AGBL3: variants seen among roughly 807,000 people sequenced by gnomAD.
AGBL3 encodes the protein AGBL carboxypeptidase 3.
In AGBL3, 68 loss-of-function variants were observed where a neutral mutation model predicts 94.5. The ratio of observed to expected loss-of-function variants is 0.72; its 90% CI spans 0.59 to 0.88. The LOEUF is 0.88. Among genes scored for constraint, AGBL3 ranks in the 40% least tolerant of loss-of-function variants. The pLI, the probability that AGBL3 is intolerant of heterozygous loss-of-function variation, is 0.00. For missense variants in AGBL3, 934 were observed against 1,103.8 expected, an observed-to-expected ratio of 0.85 and a Z score of 2.18; for synonymous variants, 354 against 370.7, an observed-to-expected ratio of 0.95 and a Z score of 0.52.
intron 8 of AGBL3, among the ~76,000 whole-genome samples, chr7:135,040,059 A>G (rs1259657976): frequency 6.6e-6 from 1 of 152,198 alleles, no homozygotes; most frequent in Non-Finnish European, 1.5e-5. Flanking sequence ...AGGCATTAAA[A>G]GGACAATAAG....
chr7:135,039,293 A>T (rs1352605036), intron 8 of AGBL3, among the ~76,000 whole-genome samples: 3 of 152,218 alleles, frequency 2.0e-5, no homozygotes, highest in Non-Finnish European at 4.4e-5. Context: ...CACATTTCTA[A>T]AAAATCCTTA....
chr7:135,031,369 C>T (rs1294229749), intron 5 of AGBL3, among the ~76,000 whole-genome samples: 2 of 152,160 alleles, frequency 1.3e-5, no homozygotes, highest in African/African-American at 4.8e-5. Flanking sequence ...AAGCGATTCT[C>T]ATGCCTCAGT....
At chr7:135,048,054 T>C (rs1475125566) in intron 11 of AGBL3, among the ~76,000 whole-genome samples, 2 of 151,932 alleles carry the variant, frequency 1.3e-5, no homozygotes. Context: ...AGTATCCAAT[T>C]TTATTCTTTT....
chr7:135,034,351 A>G lies in AGBL3; in HGVS notation c.760A>G (p.Ile254Val). The G allele has an allele frequency of 2.6e-6, 4 of 1,551,694 alleles. No homozygotes were observed. The highest frequency in any genetic ancestry group is 3.5e-6 in the Non-Finnish European group (4 of 1,146,970). The part of the protein sequence containing the change: ...YSEKEAKAHH[I>V]GWQRIGDQIK... The stretch of plus-strand genomic sequence containing the variant: ...TGAAAAAGAGGCCAAGGCTCATCAC[A>G]TTGGCTGGCAGAGAATAGGAGACCA... The change falls in exon 7 of 17, where the codon ATT (isoleucine) becomes GTT (valine). Residue 254 changes from isoleucine (I) to valine (V), a missense_variant. Transcript: ENST00000436302.
chr7:135,053,377 G>A (rs1818057607), intron 11 of AGBL3, among the ~76,000 whole-genome samples: 1 of 152,198 alleles, frequency 6.6e-6, no homozygotes, highest in Admixed American at 6.5e-5. Context: ...GGAGGCTGAG[G>A]TAGGCGTATC....
chr7:134,992,976 A>AG (rs1333514535), intron 3 of AGBL3, among the ~76,000 whole-genome samples: 2 of 152,178 alleles, frequency 1.3e-5, no homozygotes, highest in African/African-American at 2.4e-5. Flanking sequence ...TCACACCAAA[A>AG]CACCAGATCA....
intron 12 of AGBL3, among the ~76,000 whole-genome samples, chr7:135,062,813 CTGTTA>C (rs1036705645): frequency 6.6e-6 from 1 of 151,962 alleles, no homozygotes; most frequent in Non-Finnish European, 1.5e-5. Context: ...GGATATTGGT[CTGTTA>C]TCTTTTTCTT....
chr7:134,997,514 A>G (rs377275858), intron 4 of AGBL3, among the ~76,000 whole-genome samples: 6 of 152,156 alleles, frequency 3.9e-5, no homozygotes, highest in Non-Finnish European at 8.8e-5. Flanking sequence ...ACTGGTTTCT[A>G]TTGCAGGTTG....
chr7:135,134,865 T>C lies in AGBL3; in HGVS notation c.2367T>C (p.Asn789=). ...QHQLNPATCR[N]IKKYSTSWTA... ...GACTAAATCCGGCTACTTGCAGAAA[T>C]ATAAAGAAATACAGCACATCTTGGA... Residue 789 remains asparagine (N), a synonymous_variant, in exon 17 of 17, where the codon AAT becomes AAC. Transcript: ENST00000436302. 2 of 1,549,708 alleles carry C rather than the reference T, an allele frequency of 1.3e-6. No homozygotes were observed. The highest frequency in any genetic ancestry group is 8.7e-7 in the Non-Finnish European group (1 of 1,146,002).
intron 3 of AGBL3, among the ~76,000 whole-genome samples, chr7:134,992,704 T>C (rs763919800): frequency 7.2e-5 from 11 of 152,170 alleles, no homozygotes; most frequent in Non-Finnish European, 1.6e-4. Flanking sequence ...CCAAACAAAG[T>C]CATACAAAAA....
At chr7:135,024,737 G>T (rs1036923375) in intron 5 of AGBL3, among the ~76,000 whole-genome samples, 37 of 152,084 alleles carry the variant, frequency 2.4e-4, no homozygotes, top group African/African-American at 8.5e-4. Context: ...CCCAATCTAG[G>T]AATCCAGTAA....
At chr7:135,076,679 C>T (rs997343929) in intron 13 of AGBL3, among the ~76,000 whole-genome samples, 10 of 152,104 alleles carry the variant, frequency 6.6e-5, no homozygotes, top group African/African-American at 2.4e-4. Flanking sequence ...TTCATTTATA[C>T]TTTTACCTTA....
At chr7:135,133,939 G>T (rs1316918912) in intron 16 of AGBL3, among the ~76,000 whole-genome samples, 1 of 151,414 alleles carries the variant, frequency 6.6e-6, no homozygotes, top group Non-Finnish European at 1.5e-5. Context: ...TGAATCTCCA[G>T]ACAATTACTC....
intron 3 of AGBL3, among the ~76,000 whole-genome samples, chr7:134,990,364 T>C (rs904228153): frequency 6.6e-6 from 1 of 152,218 alleles, no homozygotes; most frequent in Admixed American, 6.5e-5. Flanking sequence ...CATTTTGTGT[T>C]TTCTGTCTTC....
At position 135,017,169 on chromosome 7, in the gene AGBL3, T is replaced by C; in HGVS notation, c.418+10T>C. ...TATCTAGCTGAAGATGGTGAGCACA[T>C]AATGACACATGTTGCTGTAAAATAT... On this transcript the variant is annotated intron_variant, in intron 5 of 16. Transcript: ENST00000436302. The C allele has an allele frequency of 3.4e-6, 5 of 1,470,816 alleles. No individual in the cohort carries two copies. Among genetic ancestry groups the C allele is most frequent in the Non-Finnish European group, 4.7e-6 (5 of 1,072,788 alleles). The allele number at this position is 1,470,816 out of a possible 1,614,324, so 91.1% of individuals were successfully genotyped here.
At chr7:135,071,657 G>A (rs1396689355) in intron 12 of AGBL3, among the ~76,000 whole-genome samples, 1 of 152,120 alleles carries the variant, frequency 6.6e-6, no homozygotes, top group Non-Finnish European at 1.5e-5. Flanking sequence ...AACAAGAAAT[G>A]GGGAAAGGAT....
chr7:135,084,644 C>T (rs1405092779), intron 15 of AGBL3, among the ~76,000 whole-genome samples: 4 of 152,086 alleles, frequency 2.6e-5, no homozygotes, highest in Non-Finnish European at 4.4e-5. Flanking sequence ...GTCCTCCAAG[C>T]TCATCAATGT....
chr7:135,019,088 A>G (rs1242103255), intron 5 of AGBL3, among the ~76,000 whole-genome samples: 1 of 152,238 alleles, frequency 6.6e-6, no homozygotes, highest in Non-Finnish European at 1.5e-5. Context: ...AAATTCAGTC[A>G]TACAGTAAGT....
At chr7:135,076,320 G>C in intron 12 of AGBL3, 77 bp from the exon 13 acceptor site, 1 of 1,158,376 alleles carries the variant, frequency 8.6e-7, no homozygotes, top group Non-Finnish European at 1.2e-6. Context: ...TGGGAATCTC[G>C]AAACAATTTC....
Sources: gnomAD v4.1 joint callset for allele counts (sites outside exome capture counted in the v4.1 genomes callset) on GRCh38, gnomAD v4.1.1 for gene constraint, MANE v1.5 for transcripts, NCBI Gene and HGNC (gene_info 2026-07-23, HGNC 2026-07-21) for gene names.